The following SLC12A1 variants were observed in gnomAD, a reference collection of about 807,000 sequenced individuals.
The protein encoded by SLC12A1 is Na-K-2Cl cotransporter.
In SLC12A1, 89 loss-of-function variants were observed where a neutral mutation model predicts 130.4. The observed-to-expected ratio is 0.68, with a 90% confidence interval of 0.58 to 0.81. SLC12A1 has a LOEUF of 0.81. Ranked by LOEUF, SLC12A1 falls within the 40% of genes least tolerant of loss-of-function variation. The pLI is 0.00. For missense variants in SLC12A1, 1,310 were observed against 1,336.4 expected (o/e 0.98, Z 0.31); for synonymous variants, 499 against 460.0 (o/e 1.08, Z -1.09).
rs762954790 is a variant in SLC12A1 at position 48,207,610 on chromosome 15, C to T, written c.-110C>T. The T allele has an allele frequency of 1.2e-6, 1 of 820,442 alleles. No homozygotes were observed. The highest frequency in any genetic ancestry group is 1.7e-5 in the African/African-American group (1 of 57,946). 50.8% of individuals were successfully genotyped at this position (820,442 alleles called of 1,614,324 possible). ...TTTATTGAATCATCTAGAACAAAAG[C>T]CAGGAGCTCCCTAATGGAAGCACAT... On this transcript the variant is annotated 5_prime_UTR_variant, in exon 2 of 27. Transcript: ENST00000380993.
chr15:48,238,039 T>G (rs1205877415), intron 9 of SLC12A1, among the ~76,000 whole-genome samples: 2 of 152,202 alleles, frequency 1.3e-5, no homozygotes, highest in Non-Finnish European at 2.9e-5. Flanking sequence ...AAAAATGTTT[T>G]TTACTATGAT....
intron 24 of SLC12A1, among the ~76,000 whole-genome samples, chr15:48,292,506 T>G (rs2042132172): frequency 6.6e-6 from 1 of 152,222 alleles, no homozygotes; most frequent in African/African-American, 2.4e-5. Context: ...ATTGTTATAT[T>G]TATCAACTCC....
At chr15:48,288,383 C>A in intron 22 of SLC12A1, 22 bp from the exon 23 acceptor site, 1 of 1,277,236 alleles carries the variant, frequency 7.8e-7, no homozygotes. Flanking sequence ...CTCATTGTGT[C>A]ATAATTTATT....
chr15:48,243,299 C>A (rs2041539267), intron 10 of SLC12A1, among the ~76,000 whole-genome samples: 2 of 151,984 alleles, frequency 1.3e-5, no homozygotes, highest in South Asian at 4.1e-4. Context: ...TGGCAGGCTA[C>A]CTCTCAGTAC....
chr15:48,251,630 A>G lies in SLC12A1; in HGVS notation c.1802A>G (p.Tyr601Cys), dbSNP rs2041649519. The G allele has an allele frequency of 1.9e-6, 3 of 1,613,792 alleles. No individual in the cohort carries two copies. In the Admixed American group the frequency reaches 5.0e-5, roughly 27 times the overall value. Residue 601 changes from tyrosine to cysteine, a missense_variant, in exon 15 of 27, where the codon TAT becomes TGT. Tyr to Cys is a radical substitution (Grantham distance 194). Transcript: ENST00000380993. ...YAKSPGWRPA[Y>C]GIYNMWVSLF... is the part of the protein sequence containing the mutation. The stretch of plus-strand genomic sequence containing the variant: ...TTGTTTTCAGGATGGAGACCTGCGT[A>G]TGGAATTTACAACATGTGGGTATCT...
intron 9 of SLC12A1, among the ~76,000 whole-genome samples, chr15:48,237,830 A>T (rs1294149932): frequency 6.6e-6 from 1 of 152,188 alleles, no homozygotes; most frequent in Non-Finnish European, 1.5e-5. Context: ...TGTTAGAGAG[A>T]GCCTGCTAAC....
intron 17 of SLC12A1, 145 bp from the exon 18 acceptor site, chr15:48,267,415 TG>T: frequency 1.2e-6 from 1 of 815,496 alleles, no homozygotes; most frequent in Non-Finnish European, 1.9e-6. Context: ...GCTGAATCTG[TG>T]GAACCCTGTT....
At position 48,285,239 on chromosome 15, in the gene SLC12A1, G is replaced by A. The variant is rs746442802; in HGVS notation, c.2619G>A (p.Thr873=). 5.0e-6 allele frequency: 8 copies of A among 1,613,496 alleles called. No individual in the cohort carries two copies. Among genetic ancestry groups the A allele is most frequent in the Admixed American group, 1.7e-5 (1 of 59,918 alleles). The change falls in exon 21 of 27, where the codon ACG becomes ACA. Residue 873 remains threonine, a synonymous_variant. Transcript: ENST00000380993. ...KAGKLNITKT[T]PKKDGSINTS... ...GCAAGTTGAACATTACTAAGACAAC[G>A]CCTAAAAAAGGTAAGAACTTTTTAA...
intron 14 of SLC12A1, among the ~76,000 whole-genome samples, chr15:48,249,962 C>T (rs2041628395): frequency 6.6e-6 from 1 of 152,152 alleles, no homozygotes; most frequent in African/African-American, 2.4e-5. Flanking sequence ...TAGAAAAACA[C>T]CACTATTTAT....
intron 20 of SLC12A1, among the ~76,000 whole-genome samples, chr15:48,280,605 T>C (rs1361429942): frequency 6.6e-6 from 1 of 152,158 alleles, no homozygotes; most frequent in Non-Finnish European, 1.5e-5. Flanking sequence ...TATGACATAC[T>C]ACAGAATTAT....
chr15:48,291,510 T>C (rs1434900057), intron 23 of SLC12A1, among the ~76,000 whole-genome samples: 1 of 152,316 alleles, frequency 6.6e-6, no homozygotes. Context: ...TTCTGTTCCC[T>C]GTGACATAAA....
intron 9 of SLC12A1, among the ~76,000 whole-genome samples, chr15:48,240,954 G>A (rs947850756): frequency 4.6e-5 from 7 of 152,084 alleles, no homozygotes; most frequent in Non-Finnish European, 1.0e-4. Flanking sequence ...CTTTCTTTAT[G>A]TCTGCTTATG....
rs539865839 is a variant in SLC12A1, at chr15:48,249,577, G to A, written c.1687G>A (p.Glu563Lys). 5.0e-6 allele frequency: 8 copies of A among 1,612,674 alleles called. No individual in the cohort carries two copies. In the African/African-American group the frequency reaches 1.1e-4, roughly 22 times the overall value. ...GTTCAATTCTGTTACTTTTACAGCGGAACTGAACACCATTGCTCCCATCAT... is the reference window on the plus strand; with the variant it reads ...GTTCAATTCTGTTACTTTTACAGCGAAACTGAACACCATTGCTCCCATCAT... ...LIAMAFILIA[E>K]LNTIAPIISN... Residue 563 changes from glutamate (E) to lysine (K), a missense_variant and splice_region_variant, in exon 14 of 27, where the codon GAA (glutamate) becomes AAA (lysine). Glu to Lys is a moderately conservative substitution (Grantham distance 56). Coordinates refer to ENST00000380993, the MANE Select transcript of SLC12A1 (RefSeq NM_000338.3).
At chr15:48,266,753 T>C (rs757110821) in intron 17 of SLC12A1, among the ~76,000 whole-genome samples, 1 of 152,236 alleles carries the variant, frequency 6.6e-6, no homozygotes, top group Non-Finnish European at 1.5e-5. Context: ...AAATAACTTT[T>C]GGATTGAATT....
At chr15:48,250,964 G>T (rs748085298) in intron 14 of SLC12A1, among the ~76,000 whole-genome samples, 1 of 152,010 alleles carries the variant, frequency 6.6e-6, no homozygotes, top group African/African-American at 2.4e-5. Context: ...AAACTCCCAC[G>T]CACGTGCGCA....
At chr15:48,279,364 A>C (rs988523940) in intron 20 of SLC12A1, among the ~76,000 whole-genome samples, 1 of 152,218 alleles carries the variant, frequency 6.6e-6, no homozygotes, top group Non-Finnish European at 1.5e-5. Context: ...ATCACAGATT[A>C]TAATTTAAAG....
Position 48,254,592 on chromosome 15 carries a change from T to TAAAAAAAAA in SLC12A1, c.1943-1189_1943-1181dup, listed in dbSNP as rs550686114. The stretch of plus-strand genomic sequence containing the variant: ...AAGATCCATTTAATACTTAAATTCG[T>TAAAAAAAAA]AAAAAAAAAAAAAAAAAAAAAAAAA... On this transcript the variant is annotated intron_variant, in intron 15 of 26. Coordinates refer to ENST00000380993, the MANE Select transcript of SLC12A1 (RefSeq NM_000338.3). Among the ~76,000 whole-genome samples the TAAAAAAAAA allele has an allele frequency of 7.9e-4, 42 of 52,888 alleles. 2 individuals are homozygous for TAAAAAAAAA. The highest frequency in any genetic ancestry group is 1.3e-3 in the Non-Finnish European group (31 of 23,406). 34.7% of individuals were successfully genotyped at this position (52,888 alleles called of 152,430 possible).
At chr15:48,241,365 A>T in intron 9 of SLC12A1, 150 bp from the exon 10 acceptor site, 1 of 669,168 alleles carries the variant, frequency 1.5e-6, no homozygotes, top group Non-Finnish European at 2.7e-6. Flanking sequence ...ATAAAGCTCA[A>T]GCTCATCAAC....
chr15:48,272,350 G>A (rs569351106), intron 19 of SLC12A1, among the ~76,000 whole-genome samples: 44 of 152,288 alleles, frequency 2.9e-4, no homozygotes, highest in Middle Eastern at 3.4e-3. Context: ...TAAGACTATA[G>A]TATTTTACCA....
Sources: allele counts gnomAD v4.1 joint callset (sites outside exome capture counted in the v4.1 genomes callset), GRCh38; gene constraint gnomAD v4.1.1; transcripts MANE v1.5; gene names NCBI Gene and HGNC (gene_info 2026-07-23, HGNC 2026-07-21).